RCAN2: variants seen among roughly 807,000 people sequenced by gnomAD.
RCAN2 encodes calcipressin-2.
RCAN2 carries 9 observed loss-of-function variants against 23.6 expected under a neutral mutation model. The ratio of observed to expected loss-of-function variants is 0.38; its 90% confidence interval spans 0.23 to 0.67. The LOEUF (loss-of-function observed/expected upper bound fraction) is 0.67, where lower values mean the gene tolerates loss of function less well. Ranked by LOEUF, RCAN2 falls within the 30% of genes least tolerant of loss-of-function variation. The pLI, the probability that RCAN2 is intolerant of heterozygous loss-of-function variation, is 0.51. For missense variants in RCAN2, 273 were observed against 302.3 expected (o/e 0.90, Z 0.72); for synonymous variants, 109 against 115.7 (o/e 0.94, Z 0.37).
At chr6:46,249,352 TC>T (rs1259799568) in intron 2 of RCAN2, among the ~76,000 whole-genome samples, 2 of 145,714 alleles carry the variant, frequency 1.4e-5, no homozygotes, top group Non-Finnish European at 3.0e-5. Context: ...AGAGTCTTGC[TC>T]TGTTGCCCAG....
intron 2 of RCAN2, among the ~76,000 whole-genome samples, chr6:46,288,722 C>G (rs1027661530): frequency 1.3e-5 from 2 of 152,234 alleles, no homozygotes; most frequent in Non-Finnish European, 2.9e-5. Flanking sequence ...GGAAGGCAAC[C>G]TATTGCCTTG....
intron 2 of RCAN2, among the ~76,000 whole-genome samples, chr6:46,276,640 TA>T (rs1344941767): frequency 6.6e-6 from 1 of 152,202 alleles, no homozygotes; most frequent in Non-Finnish European, 1.5e-5. Flanking sequence ...ATATTTTAAA[TA>T]CAAAAACCTG....
chr6:46,457,106 T>A, intron 1 of RCAN2, 128 bp from the exon 2 acceptor site: 1 of 640,030 alleles, frequency 1.6e-6, no homozygotes, highest in Non-Finnish European at 2.7e-6. Flanking sequence ...CAGGGGATAT[T>A]GGAAGGGAGA....
At chr6:46,363,312 G>A (rs1261555053) in intron 2 of RCAN2, among the ~76,000 whole-genome samples, 3 of 152,150 alleles carry the variant, frequency 2.0e-5, no homozygotes, top group Non-Finnish European at 2.9e-5. Context: ...TAATTTAGCT[G>A]AGCACCAAGC....
chr6:46,275,550 C>T (rs1767666693), intron 2 of RCAN2, among the ~76,000 whole-genome samples: 1 of 152,126 alleles, frequency 6.6e-6, no homozygotes, highest in Non-Finnish European at 1.5e-5. Flanking sequence ...AATGGTTGGA[C>T]ACTAAAAATC....
At chr6:46,412,804 T>C (rs1199727518) in intron 2 of RCAN2, among the ~76,000 whole-genome samples, 3 of 152,162 alleles carry the variant, frequency 2.0e-5, no homozygotes, top group African/African-American at 7.2e-5. Context: ...GAGTTGGGAC[T>C]CTGAGACCAG....
chr6:46,260,324 G>A (rs753400845), intron 2 of RCAN2, among the ~76,000 whole-genome samples: 29 of 151,964 alleles, frequency 1.9e-4, no homozygotes, highest in Non-Finnish European at 3.5e-4. Flanking sequence ...AGCTGATAAG[G>A]GTCAATTCCC....
At chr6:46,247,452 A>G (rs1766560210) in intron 3 of RCAN2, among the ~76,000 whole-genome samples, 2 of 152,186 alleles carry the variant, frequency 1.3e-5, no homozygotes, top group Admixed American at 1.3e-4. Context: ...TCATCACCTT[A>G]AAGGAACTCC....
At chr6:46,227,816 G>C (rs1765727763) in intron 4 of RCAN2, among the ~76,000 whole-genome samples, 1 of 151,948 alleles carries the variant, frequency 6.6e-6, no homozygotes, top group African/African-American at 2.4e-5. Context: ...CCTTCTGCTA[G>C]CTTTTGAATG....
intron 2 of RCAN2, among the ~76,000 whole-genome samples, chr6:46,390,724 C>A (rs915334948): frequency 6.6e-6 from 1 of 152,096 alleles, no homozygotes; most frequent in African/African-American, 2.4e-5. Flanking sequence ...AATAACTTCA[C>A]GTAGAGAACC....
intron 2 of RCAN2, among the ~76,000 whole-genome samples, chr6:46,437,450 T>C (rs944381234): frequency 6.6e-5 from 10 of 152,186 alleles, no homozygotes; most frequent in African/African-American, 2.4e-4. Flanking sequence ...TGTTTAAAAA[T>C]TGGGTAAAGT....
intron 2 of RCAN2, among the ~76,000 whole-genome samples, chr6:46,454,988 A>G (rs59657730): frequency 0.44 from 66,782 of 152,112 alleles, 16,084 homozygotes; most frequent in East Asian, 0.6. Context: ...TTTAATCAGG[A>G]AAGAATGAAA....
At chr6:46,351,764 G>C (rs561278184) in intron 2 of RCAN2, among the ~76,000 whole-genome samples, 1 of 152,338 alleles carries the variant, frequency 6.6e-6, no homozygotes, top group Non-Finnish European at 1.5e-5. Flanking sequence ...TGATGGCACA[G>C]ACTGGTTTTG....
rs186205655 is a variant in RCAN2 at position 46,229,142 on chromosome 6, G to A, written c.572-5841C>T. Reference sequence around the variant, plus strand: ...TAGAGTTTCTGCTGAGAGATCAGCTGTTAGTCTGGTGGGCTTTCCTTTGTG... The same window carrying A: ...TAGAGTTTCTGCTGAGAGATCAGCTATTAGTCTGGTGGGCTTTCCTTTGTG... On this transcript the variant is annotated intron_variant, in intron 4 of 4. Coordinates refer to ENST00000371374, the MANE Select transcript of RCAN2 (RefSeq NM_001251974.2). Among the ~76,000 whole-genome samples the A allele has an allele frequency of 5.3e-4, 81 of 152,332 alleles. 1 individual carries two copies. In the East Asian group the frequency reaches 0.012, roughly 22 times the overall value.
At chr6:46,290,591 CA>C (rs1352391119) in intron 2 of RCAN2, among the ~76,000 whole-genome samples, 1 of 152,096 alleles carries the variant, frequency 6.6e-6, no homozygotes, top group Middle Eastern at 3.2e-3. Flanking sequence ...TCTTAAATAT[CA>C]GTAAATCATT....
At chr6:46,269,557 T>A (rs9463194) in intron 2 of RCAN2, among the ~76,000 whole-genome samples, 5,486 of 152,316 alleles carry the variant, frequency 0.036, 347 homozygotes, top group African/African-American at 0.12. Context: ...TGCTGTTGGT[T>A]CTTCTCAAGT....
At chr6:46,296,066 CGTGTGT>C (rs60947209) in intron 2 of RCAN2, among the ~76,000 whole-genome samples, 1,433 of 138,524 alleles carry the variant, frequency 0.01, 23 homozygotes, top group African/African-American at 0.035. Context: ...CCAATAGCTT[CGTGTGT>C]GTGTGTGTGT....
intron 2 of RCAN2, among the ~76,000 whole-genome samples, chr6:46,326,994 C>T (rs751851400): frequency 1.1e-4 from 16 of 152,164 alleles, no homozygotes; most frequent in African/African-American, 3.1e-4. Context: ...GCATTTATTT[C>T]GCTGTCCAGG....
At chr6:46,322,643 T>C (rs573873248) in intron 2 of RCAN2, among the ~76,000 whole-genome samples, 3 of 152,238 alleles carry the variant, frequency 2.0e-5, no homozygotes, top group African/African-American at 7.2e-5. Flanking sequence ...GGGGGCTACA[T>C]GTAGAAAGTG....
Sources: allele counts gnomAD v4.1 joint callset (sites outside exome capture counted in the v4.1 genomes callset), GRCh38; gene constraint gnomAD v4.1.1; transcripts MANE v1.5; gene names NCBI Gene and HGNC (gene_info 2026-07-23, HGNC 2026-07-21).